Variants in UBE4B observed in about 807,000 individuals in gnomAD.
UBE4B encodes ubiquitin conjugation factor E4 B.
UBE4B carries 27 observed loss-of-function variants against 148.1 expected under a neutral mutation model. That is an observed-to-expected ratio of 0.18 (90% CI 0.13 to 0.25). The LOEUF (loss-of-function observed/expected upper bound fraction) is 0.25. Ranked by LOEUF, UBE4B falls within the 10% of genes least tolerant of loss-of-function variation. The probability of loss-of-function intolerance (pLI) is 1.00; values close to 1 mark genes in which losing one functional copy is unlikely to be tolerated. For missense variants in UBE4B, 1,170 were observed against 1,662.4 expected, an observed-to-expected ratio of 0.70 and a Z score of 5.15; for synonymous variants, 596 against 619.3, an observed-to-expected ratio of 0.96 and a Z score of 0.56.
At chr1:10,131,294 T>C (rs1025448143) in intron 14 of UBE4B, among the ~76,000 whole-genome samples, 1 of 151,648 alleles carries the variant, frequency 6.6e-6, no homozygotes, top group Admixed American at 6.6e-5. Flanking sequence ...CTGGCCAACA[T>C]GACGAAACCC....
At chr1:10,143,648 C>T (rs571455085) in intron 17 of UBE4B, among the ~76,000 whole-genome samples, 19 of 152,266 alleles carry the variant, frequency 1.2e-4, no homozygotes, top group Admixed American at 7.2e-4. Flanking sequence ...GATTCGGATG[C>T]GACAAGTTTG....
chr1:10,127,532 G>C (rs1340274866), intron 11 of UBE4B, among the ~76,000 whole-genome samples: 1 of 152,198 alleles, frequency 6.6e-6, no homozygotes, highest in African/African-American at 2.4e-5. Flanking sequence ...AATTTTGGGA[G>C]AAAAGTATTT....
chr1:10,162,678 G>T (rs1338347304), intron 23 of UBE4B, among the ~76,000 whole-genome samples: 1 of 151,320 alleles, frequency 6.6e-6, no homozygotes, highest in Non-Finnish European at 1.5e-5. Flanking sequence ...ACATGTGCAG[G>T]TTTGTTACAT....
chr1:10,076,905 C>G (rs184059108), intron 2 of UBE4B, among the ~76,000 whole-genome samples: 1 of 151,952 alleles, frequency 6.6e-6, no homozygotes, highest in East Asian at 1.9e-4. Context: ...TGCCACCACG[C>G]CTGGCTAATT....
intron 2 of UBE4B, among the ~76,000 whole-genome samples, chr1:10,085,921 C>T (rs1644757737): frequency 6.6e-6 from 1 of 152,100 alleles, no homozygotes; most frequent in Non-Finnish European, 1.5e-5. Flanking sequence ...TCCTGAGTAG[C>T]TGGGATTACA....
chr1:10,107,154 G>A (rs1645126309), intron 7 of UBE4B: 3 of 1,278,900 alleles, frequency 2.3e-6, no homozygotes, highest in Non-Finnish European at 3.1e-6. Flanking sequence ...GACAGCAGTT[G>A]CAAAAGCTTC....
chr1:10,126,295 G>A (rs1645492580), intron 10 of UBE4B, among the ~76,000 whole-genome samples: 1 of 148,424 alleles, frequency 6.7e-6, no homozygotes, highest in Middle Eastern at 3.4e-3. Context: ...GCGAGACTCC[G>A]TCTCAATATA....
chr1:10,037,646 C>G (rs1315371181), intron 1 of UBE4B, among the ~76,000 whole-genome samples: 1 of 152,212 alleles, frequency 6.6e-6, no homozygotes, highest in South Asian at 2.1e-4. Context: ...CAACCTCTGC[C>G]TCCTGGGCTC....
At chr1:10,107,305 A>ATGATGG (rs1300260147) in intron 7 of UBE4B, 13 of 1,289,530 alleles carry the variant, frequency 1.0e-5, no homozygotes, top group Middle Eastern at 2.1e-4. Context: ...GAAGATGATG[A>ATGATGG]TGATGGTGAT....
rs574187563 is a variant in UBE4B, at chr1:10,167,965, G to T, written c.3199-171G>T. Among the ~76,000 whole-genome samples the T allele has an allele frequency of 4.6e-4, 70 of 152,262 alleles. 1 individual carries two copies. In the South Asian group the frequency reaches 0.014, roughly 31 times the overall value. On this transcript the variant is annotated intron_variant, in intron 23 of 27. Transcript: ENST00000343090. ...ATCACCTGGCTGGAAGTCTCAAAGA[G>T]CTCCGATGCTGAAAGGATGAAACTT...
At chr1:10,151,220 T>C in intron 20 of UBE4B, 106 bp from the exon 21 acceptor site, 2 of 1,017,706 alleles carry the variant, frequency 2.0e-6, no homozygotes, top group Non-Finnish European at 2.9e-6. Flanking sequence ...CCAAACCTAC[T>C]TATCCTGCCT....
At chr1:10,171,631 C>G (rs1225101972) in intron 25 of UBE4B, among the ~76,000 whole-genome samples, 1 of 152,156 alleles carries the variant, frequency 6.6e-6, no homozygotes, top group East Asian at 1.9e-4. Context: ...CCTGTAATCC[C>G]AACACTTTGG....
intron 21 of UBE4B, among the ~76,000 whole-genome samples, chr1:10,156,804 C>T (rs182149127): frequency 6.6e-6 from 1 of 152,180 alleles, no homozygotes; most frequent in African/African-American, 2.4e-5. Flanking sequence ...TGTTAATTAT[C>T]TTATTTTATT....
intron 10 of UBE4B, among the ~76,000 whole-genome samples, chr1:10,123,671 G>C (rs75728541): frequency 0.028 from 4,260 of 152,058 alleles, 192 homozygotes; most frequent in African/African-American, 0.098. Context: ...GGTGTTTTTT[G>C]TTTGTTTGTT....
Position 10,115,462 on chromosome 1 carries a change from G to A in UBE4B, c.1197-1997G>A, listed in dbSNP as rs530547160. Among the ~76,000 whole-genome samples, 10 of 146,990 alleles carry A rather than the reference G, an allele frequency of 6.8e-5. No individual in the cohort carries two copies. In the Admixed American group the frequency reaches 6.8e-4, roughly 10 times the overall value. ...TTTTTTGTATTTTTAGTTGAGATAGGGTTTCACCATGTTGGTCAGGCTGGT... is the reference window on the plus strand; with the variant it reads ...TTTTTTGTATTTTTAGTTGAGATAGAGTTTCACCATGTTGGTCAGGCTGGT... On this transcript the variant is annotated intron_variant, in intron 7 of 27. Transcript: ENST00000343090.
At chr1:10,066,900 C>T (rs984877108) in intron 1 of UBE4B, among the ~76,000 whole-genome samples, 5 of 151,602 alleles carry the variant, frequency 3.3e-5, no homozygotes, top group East Asian at 1.9e-4. Context: ...AGCAAGACTC[C>T]GTCTCAAAAA....
At chr1:10,120,702 G>A (rs1389949617) in intron 9 of UBE4B, among the ~76,000 whole-genome samples, 1 of 151,748 alleles carries the variant, frequency 6.6e-6, no homozygotes, top group Non-Finnish European at 1.5e-5. Context: ...GCTGGGCATG[G>A]TGGCACGCAC....
Position 10,152,804 on chromosome 1 carries a change from G to GA in UBE4B, c.2926+1254dup, listed in dbSNP as rs780983694. On this transcript the variant is annotated intron_variant, in intron 21 of 27. Transcript: ENST00000343090. The stretch of plus-strand genomic sequence containing the variant: ...AAGGGCAAGACTCCGTCTCAAAAAA[G>GA]AAAAAAAAAAAGCACTGGGATAACA... Among the ~76,000 whole-genome samples, 1,082 of 141,208 alleles carry GA rather than the reference G, an allele frequency of 7.7e-3. 13 individuals carry two copies. The highest frequency in any genetic ancestry group is 0.01 in the Non-Finnish European group (655 of 64,152). The allele number at this position is 141,208 out of a possible 152,430, so 92.6% of individuals were successfully genotyped here.
chr1:10,123,409 G>C (rs955786237), intron 10 of UBE4B, among the ~76,000 whole-genome samples: 1 of 121,536 alleles, frequency 8.2e-6, no homozygotes, highest in South Asian at 2.8e-4. Context: ...CAGCCTGGGT[G>C]ACAGAGCAAG....
Sources: allele counts gnomAD v4.1 joint callset (sites outside exome capture counted in the v4.1 genomes callset), GRCh38; gene constraint gnomAD v4.1.1; transcripts MANE v1.5; gene names NCBI Gene and HGNC (gene_info 2026-07-23, HGNC 2026-07-21).